Variants in MOBP observed in about 807,000 individuals in gnomAD.
MOBP encodes the protein myelin associated oligodendrocyte basic protein.
A neutral mutation model predicts 15.0 loss-of-function variants in MOBP; 5 were observed. The observed-to-expected ratio is 0.33, with a 90% CI of 0.17 to 0.70. The LOEUF is 0.70. MOBP is among the 30% of genes least tolerant of loss of function. The pLI, the probability that MOBP is intolerant of heterozygous loss-of-function variation, is 0.67. For synonymous variants in MOBP, 88 were observed against 99.0 expected (o/e 0.89, Z 0.66); for missense variants, 188 against 257.8 (o/e 0.73, Z 1.85).
At chr3:39,520,590 GAGAGAC>G (rs1193923120), downstream of MOBP, among the ~76,000 whole-genome samples, 1 of 151,784 alleles carries the variant, frequency 6.6e-6, no homozygotes, top group Non-Finnish European at 1.5e-5. Context: ...GAGAGAGAGA[GAGAGAC>G]AGAGAGAGAG....
At chr3:39,497,132 C>T (rs1289028265) in intron 2 of MOBP, among the ~76,000 whole-genome samples, 1 of 152,206 alleles carries the variant, frequency 6.6e-6, no homozygotes, top group Admixed American at 6.5e-5. Flanking sequence ...AGTTTTCTAA[C>T]TTTCAGCAGT....
chr3:39,506,998 T>C (rs1707969), downstream of MOBP, among the ~76,000 whole-genome samples: 1 of 152,060 alleles, frequency 6.6e-6, no homozygotes, highest in Non-Finnish European at 1.5e-5. Flanking sequence ...GGAACTTTCC[T>C]TCTTCATCTT....
intron 1 of MOBP, among the ~76,000 whole-genome samples, chr3:39,469,751 T>A (rs944776800): frequency 6.6e-6 from 1 of 152,208 alleles, no homozygotes; most frequent in Non-Finnish European, 1.5e-5. Context: ...TGAATCTGAG[T>A]ATACAATTTT....
intron 2 of MOBP, among the ~76,000 whole-genome samples, chr3:39,481,822 A>C (rs2042632566): frequency 6.6e-6 from 1 of 152,222 alleles, no homozygotes; most frequent in Non-Finnish European, 1.5e-5. Context: ...TCCTCATATC[A>C]TGCCACCTCT....
chr3:39,515,746 T>C (rs886196369), exon 5 of MOBP: 2 of 152,256 alleles, frequency 1.3e-5, no homozygotes, highest in African/African-American at 4.8e-5. Context: ...TGCTCAAATA[T>C]CGTCTCAGAG....
At chr3:39,529,462 T>C (rs1277919280), downstream of MOBP, 1 of 151,904 alleles carries the variant, frequency 6.6e-6, no homozygotes, top group Non-Finnish European at 1.5e-5. Context: ...AAATGTATAA[T>C]AAAATGAGCA....
downstream of MOBP, among the ~76,000 whole-genome samples, chr3:39,516,830 A>C (rs1183867920): frequency 6.6e-6 from 1 of 152,226 alleles, no homozygotes; most frequent in African/African-American, 2.4e-5. Flanking sequence ...TTTTCCCAGC[A>C]AATAAAGATT....
rs894904417 is a variant in MOBP, at chr3:39,502,778, G to A, written c.450G>A (p.Gln150=). 1 of 1,535,712 alleles carries A rather than the reference G, an allele frequency of 6.5e-7. No individual in the cohort carries two copies. Among genetic ancestry groups the A allele is most frequent in the African/African-American group, 1.4e-5 (1 of 73,032 alleles). Residue 150 remains glutamine, a synonymous_variant, in exon 4 of 4, where the codon CAG becomes CAA. Transcript: ENST00000684792. The surrounding 1 kb of genome is among the most constrained non-coding windows in gnomAD (Gnocchi z 6.3). ...AGGTCCGACCACCGCCAGCCAAGCA[G>A]CGTCCCCCTCAGAAGTCCAAGCAAC... ...RPEVRPPPAK[Q]RPPQKSKQQP... is the part of the protein sequence containing the mutation.
chr3:39,516,833 T>C (rs141255522), downstream of MOBP, among the ~76,000 whole-genome samples: 177 of 152,214 alleles, frequency 1.2e-3, no homozygotes, highest in African/African-American at 4.1e-3. Flanking sequence ...TCCCAGCAAA[T>C]AAAGATTCAT....
intron 2 of MOBP, among the ~76,000 whole-genome samples, chr3:39,480,730 T>C (rs1447270361): frequency 6.6e-6 from 1 of 152,222 alleles, no homozygotes; most frequent in Non-Finnish European, 1.5e-5. Flanking sequence ...GGTTTTTTAC[T>C]GGGCTGCCCA....
intron 2 of MOBP, among the ~76,000 whole-genome samples, chr3:39,494,791 C>CG (rs1491108754): frequency 9.4e-6 from 1 of 106,194 alleles, no homozygotes; most frequent in Admixed American, 1.1e-4. Flanking sequence ...AGCCCCCCCC[C>CG]GCCCCCCGAG....
downstream of MOBP, among the ~76,000 whole-genome samples, chr3:39,520,917 A>T (rs73826467): frequency 4.4e-3 from 664 of 152,058 alleles, 7 homozygotes; most frequent in African/African-American, 0.013. Context: ...ACAAGGCTTT[A>T]TAAAGCTGCT....
At chr3:39,510,809 T>C (rs191307375) in intron 4 of MOBP, among the ~76,000 whole-genome samples, 1 of 152,378 alleles carries the variant, frequency 6.6e-6, no homozygotes, top group African/African-American at 2.4e-5. Context: ...TTCGAACTGC[T>C]ATTTTGTTCA....
chr3:39,522,514 G>A (rs2043282118), intron 3 of MOBP, among the ~76,000 whole-genome samples: 2 of 152,058 alleles, frequency 1.3e-5, no homozygotes, highest in African/African-American at 4.8e-5. Flanking sequence ...TGAAACCATG[G>A]CCTTAAATCC....
chr3:39,468,799 T>C lies in MOBP; in HGVS notation c.-89+1059T>C, dbSNP rs1195151941. Among the ~76,000 whole-genome samples the C allele has an allele frequency of 1.6e-5, 2 of 122,466 alleles. 1 individual carries two copies. Among genetic ancestry groups the C allele is most frequent in the Non-Finnish European group, 3.2e-5 (2 of 61,650 alleles). The allele number at this position is 122,466 out of a possible 152,430, so 80.3% of individuals were successfully genotyped here. A position where few individuals can be genotyped will look rare whatever the true frequency, so the allele number is the denominator to read the frequency against. ...ATACATATATACATGTGTGTGTATA[T>C]ATACATATGTGTGTGTATACATATT... is the stretch of plus-strand genomic sequence containing the variant. On this transcript the variant is annotated intron_variant, in intron 1 of 3. Coordinates refer to ENST00000684792, the MANE Select transcript of MOBP (RefSeq NM_001393704.1).
At chr3:39,483,170 G>T (rs2042652587) in intron 2 of MOBP, among the ~76,000 whole-genome samples, 2 of 152,260 alleles carry the variant, frequency 1.3e-5, no homozygotes, top group South Asian at 4.1e-4. Flanking sequence ...TTGTCATATT[G>T]TCAGGGGCTA....
intron 2 of MOBP, among the ~76,000 whole-genome samples, chr3:39,492,863 C>T (rs2042819899): frequency 6.6e-6 from 1 of 152,188 alleles, no homozygotes; most frequent in Non-Finnish European, 1.5e-5. Flanking sequence ...AGAACAGACC[C>T]TTGCTCAAGG....
Position 39,502,546 on chromosome 3 carries a change from G to A in MOBP, c.218G>A (p.Arg73His), listed in dbSNP as rs1157905871. 2 of 1,579,502 alleles carry A rather than the reference G, an allele frequency of 1.3e-6. No homozygotes were observed. Among genetic ancestry groups the A allele is most frequent in the East Asian group, 2.3e-5 (1 of 43,746 alleles). The change falls in exon 4 of 4, where the codon CGT becomes CAT. Residue 73 changes from arginine to histidine, a missense_variant. By Grantham distance (29) the Arg-to-His change is conservative (BLOSUM62 0). This residue lies in a region of MOBP where 133 missense variants were observed against 212.5 expected (regional missense o/e 0.63). Transcript: ENST00000684792. The surrounding 1 kb of genome is among the most constrained non-coding windows in gnomAD (Gnocchi z 6.3). ...CACQKTRTSR[R>H]AKSPQRPKQQ... ...TTTGGCCCTCTCAGAACCAGCCGCCGTGCCAAGTCCCCTCAGAGGCCCAAG... is the reference window on the plus strand; with the variant it reads ...TTTGGCCCTCTCAGAACCAGCCGCCATGCCAAGTCCCCTCAGAGGCCCAAG...
downstream of MOBP, among the ~76,000 whole-genome samples, chr3:39,520,191 T>A (rs1354735894): frequency 6.6e-6 from 1 of 152,156 alleles, no homozygotes. Flanking sequence ...CAATGACCCC[T>A]GATAAGTGTG....
Sources: gnomAD v4.1 joint callset for allele counts (sites outside exome capture counted in the v4.1 genomes callset) on GRCh38, gnomAD v4.1.1 for gene constraint, gnomAD v4.1.1 regional missense constraint, Gnocchi (gnomAD v3.1) non-coding constraint, MANE v1.5 for transcripts, NCBI Gene and HGNC (gene_info 2026-07-23, HGNC 2026-07-21) for gene names.